MYO5B: variants seen among roughly 807,000 people sequenced by gnomAD.
The protein encoded by MYO5B is myosin VB, also known as unconventional myosin-Vb.
A neutral mutation model predicts 229.3 loss-of-function variants in MYO5B; 143 were observed. The observed-to-expected ratio is 0.62, with a 90% CI of 0.54 to 0.72. MYO5B has a LOEUF of 0.72. MYO5B is among the 30% of genes least tolerant of loss of function. MYO5B has a pLI of 0.00. For synonymous variants in MYO5B, 918 were observed against 885.2 expected (o/e 1.04, Z -0.66); for missense variants, 2,321 against 2,331.0 (o/e 1.00, Z 0.09).
chr18:50,168,197 C>G (rs1269750354), intron 1 of MYO5B, among the ~76,000 whole-genome samples: 1 of 152,164 alleles, frequency 6.6e-6, no homozygotes, highest in Non-Finnish European at 1.5e-5. Context: ...TAACAGCATC[C>G]GAGTCAAACC....
At chr18:50,127,757 G>A (rs1436863744) in intron 1 of MYO5B, among the ~76,000 whole-genome samples, 1 of 152,226 alleles carries the variant, frequency 6.6e-6, no homozygotes, top group Non-Finnish European at 1.5e-5. Context: ...TATTCTGGGT[G>A]TGTCCATGAA....
intron 1 of MYO5B, among the ~76,000 whole-genome samples, chr18:50,059,936 T>C (rs972037288): frequency 1.3e-5 from 2 of 152,132 alleles, no homozygotes; most frequent in Non-Finnish European, 2.9e-5. Flanking sequence ...ATAAAATATA[T>C]GGCCAAGAAA....
intron 4 of MYO5B, among the ~76,000 whole-genome samples, chr18:50,022,564 A>G (rs1038419922): frequency 6.6e-6 from 1 of 152,198 alleles, no homozygotes; most frequent in African/African-American, 2.4e-5. Flanking sequence ...CTGACGATCA[A>G]AACAGGATTT....
chr18:50,067,340 AAGG>A (rs1468111838), intron 1 of MYO5B, among the ~76,000 whole-genome samples: 1 of 152,172 alleles, frequency 6.6e-6, no homozygotes, highest in Non-Finnish European at 1.5e-5. Flanking sequence ...CAAGGATTAC[AAGG>A]AGAAGCCTTT....
intron 32 of MYO5B, among the ~76,000 whole-genome samples, chr18:49,847,574 C>T (rs2024146267): frequency 1.3e-5 from 2 of 152,352 alleles, no homozygotes; most frequent in African/African-American, 2.4e-5. Context: ...TCCGAAAAGA[C>T]AGCAGGCAGG....
At chr18:50,108,442 C>A (rs969584286) in intron 1 of MYO5B, among the ~76,000 whole-genome samples, 9 of 152,182 alleles carry the variant, frequency 5.9e-5, no homozygotes, top group African/African-American at 2.2e-4. Context: ...GAACAAACCA[C>A]AATGTATTTG....
At chr18:50,076,822 A>G (rs1449956781) in intron 1 of MYO5B, among the ~76,000 whole-genome samples, 2 of 152,162 alleles carry the variant, frequency 1.3e-5, no homozygotes, top group African/African-American at 2.4e-5. Context: ...AGTAATGTCC[A>G]GCGAGTGGCT....
chr18:50,074,722 A>G (rs1376984283), intron 1 of MYO5B, among the ~76,000 whole-genome samples: 5 of 152,078 alleles, frequency 3.3e-5, no homozygotes, highest in Admixed American at 3.3e-4. Flanking sequence ...CATCCCCACT[A>G]TCAGATTTTC....
At chr18:50,054,506 C>T (rs1295935429) in intron 2 of MYO5B, among the ~76,000 whole-genome samples, 1 of 152,186 alleles carries the variant, frequency 6.6e-6, no homozygotes, top group Non-Finnish European at 1.5e-5. Flanking sequence ...TACCCATCTG[C>T]CCCCTGGGAC....
At chr18:50,036,700 C>T in intron 4 of MYO5B, 150 bp downstream of exon 4, 1 of 834,920 alleles carries the variant, frequency 1.2e-6, no homozygotes, top group South Asian at 1.5e-5. Flanking sequence ...ATGAGGTAGG[C>T]AGTAGAACTT....
chr18:49,998,476 C>G (rs894686739), intron 5 of MYO5B, among the ~76,000 whole-genome samples: 1 of 152,172 alleles, frequency 6.6e-6, no homozygotes, highest in Admixed American at 6.5e-5. Context: ...CCCTGCGTTC[C>G]CACAGCCTAG....
intron 4 of MYO5B, among the ~76,000 whole-genome samples, chr18:50,004,198 G>C (rs1243952852): frequency 6.6e-6 from 1 of 152,112 alleles, no homozygotes; most frequent in African/African-American, 2.4e-5. Flanking sequence ...GAATCAAAAA[G>C]GGGGCTAGGT....
intron 5 of MYO5B, among the ~76,000 whole-genome samples, chr18:49,997,257 G>T: frequency 1.6e-5 from 2 of 124,922 alleles, no homozygotes; most frequent in South Asian, 2.3e-4. Context: ...ACAAAGCAAG[G>T]TCCTGTCTTT....
chr18:49,919,096 G>A lies in MYO5B; in HGVS notation c.2091-6923C>T, dbSNP rs189647110. Among the ~76,000 whole-genome samples the A allele has an allele frequency of 2.0e-5, 3 of 152,214 alleles. No homozygotes were observed. In the East Asian group the frequency reaches 5.8e-4, roughly 29 times the overall value. On this transcript the variant is annotated intron_variant, in intron 17 of 39. Transcript: ENST00000285039. ...CACTGTCTACCTTGCCTTCCTCAAT[G>A]GTCAATGTGATCCTTTCAACAAATG...
chr18:49,918,045 G>A (rs113672501), intron 17 of MYO5B, among the ~76,000 whole-genome samples: 31 of 152,336 alleles, frequency 2.0e-4, no homozygotes, highest in African/African-American at 7.0e-4. Context: ...TCCTTGTAAT[G>A]AGCTCCTCAG....
At chr18:49,975,060 A>G (rs1246947200) in intron 9 of MYO5B, among the ~76,000 whole-genome samples, 1 of 152,208 alleles carries the variant, frequency 6.6e-6, no homozygotes, top group African/African-American at 2.4e-5. Context: ...AGTAACGAAC[A>G]CATTCACACC....
chr18:49,896,504 A>G (rs759867335), intron 21 of MYO5B, among the ~76,000 whole-genome samples: 1 of 152,182 alleles, frequency 6.6e-6, no homozygotes, highest in Non-Finnish European at 1.5e-5. Flanking sequence ...CACATGCTGG[A>G]GTAGCCACCC....
At chr18:49,976,108 C>A (rs1167563533) in intron 9 of MYO5B, among the ~76,000 whole-genome samples, 1 of 152,214 alleles carries the variant, frequency 6.6e-6, no homozygotes, top group Non-Finnish European at 1.5e-5. Flanking sequence ...CAGGCTCAAG[C>A]CTGCTGGAAA....
At chr18:49,993,420 A>C (rs894069414) in intron 5 of MYO5B, among the ~76,000 whole-genome samples, 2 of 152,196 alleles carry the variant, frequency 1.3e-5, no homozygotes, top group African/African-American at 4.8e-5. Flanking sequence ...CTGGCAGAAT[A>C]GTGAGAAGCA....
Sources: gnomAD v4.1 joint callset for allele counts (sites outside exome capture counted in the v4.1 genomes callset) on GRCh38, gnomAD v4.1.1 for gene constraint, MANE v1.5 for transcripts, NCBI Gene and HGNC (gene_info 2026-07-23, HGNC 2026-07-21) for gene names.